Variants in DELE1 observed in about 807,000 individuals in gnomAD.
DELE1 encodes death ligand signal enhancer.
A neutral mutation model predicts 59.3 loss-of-function variants in DELE1; 54 were observed. That is an observed-to-expected ratio of 0.91 (90% CI 0.73 to 1.14). The LOEUF (loss-of-function observed/expected upper bound fraction) is 1.14, where lower values mean the gene tolerates loss of function less well. DELE1 is among the 50% of genes most tolerant of loss of function. DELE1 has a pLI of 0.00. For missense variants in DELE1, 636 were observed against 643.9 expected (o/e 0.99, Z 0.13); for synonymous variants, 264 against 259.1 (o/e 1.02, Z -0.18).
rs1596610074 is a variant in DELE1 at position 141,933,250 on chromosome 5, T to G, written c.755-9T>G. 6.5e-7 allele frequency: 1 copy of G among 1,531,860 alleles called. No homozygotes were observed. The highest frequency in any genetic ancestry group is 2.3e-5 in the East Asian group (1 of 42,680). 94.9% of individuals were successfully genotyped at this position (1,531,860 alleles called of 1,614,324 possible). A position where few individuals can be genotyped will look rare whatever the true frequency, so the allele number is the denominator to read the frequency against. On this transcript the variant is annotated splice_polypyrimidine_tract_variant and intron_variant, in intron 7 of 11. Transcript: ENST00000432126. ...GGAAGCTGTGTTTGTGCCCTGTGCC[T>G]TCTTACAGGAACAGAGAACATGAAG...
At position 141,938,765 on chromosome 5, in the gene DELE1, G is replaced by GATAAAA; in HGVS notation, c.*7_*12dup. The GATAAAA allele has an allele frequency of 6.2e-7, 1 of 1,606,750 alleles. No homozygotes were observed. The highest frequency in any genetic ancestry group is 8.5e-7 in the Non-Finnish European group (1 of 1,175,600). The stretch of plus-strand genomic sequence containing the variant: ...TAAGACTAGGTTTTGGCTAAGGTGA[G>GATAAAA]ATAAAACATAGTCCCTGGTGCCTCT... On this transcript the variant is annotated 3_prime_UTR_variant, in exon 12 of 12. Transcript: ENST00000432126.
At chr5:141,932,245 G>A (rs143845109) in intron 7 of DELE1, among the ~76,000 whole-genome samples, 350 of 152,272 alleles carry the variant, frequency 2.3e-3, no homozygotes, top group Non-Finnish European at 3.9e-3. Flanking sequence ...AGAATTGGCC[G>A]TGCCCTCATC....
chr5:141,939,661 T>C lies in DELE1; in HGVS notation c.*902T>C. 1 of 985,880 alleles carries C rather than the reference T, an allele frequency of 1.0e-6. No individual in the cohort carries two copies. 61.1% of individuals were successfully genotyped at this position (985,880 alleles called of 1,614,324 possible). A position where few individuals can be genotyped will look rare whatever the true frequency, so the allele number is the denominator to read the frequency against. Reference sequence around the variant, plus strand: ...TACCCACCCACCTTCCCCCAAATCTTAAGCACCTGCGCCAGTACAGTCAAG... The same window carrying C: ...TACCCACCCACCTTCCCCCAAATCTCAAGCACCTGCGCCAGTACAGTCAAG... On this transcript the variant is annotated 3_prime_UTR_variant, in exon 12 of 12. Transcript: ENST00000432126.
rs77867595 is a variant in DELE1 at position 141,926,496 on chromosome 5, C to T, written c.264+969C>T. Among the ~76,000 whole-genome samples the T allele has an allele frequency of 4.0e-3, 607 of 152,304 alleles. 5 individuals carry two copies. Among genetic ancestry groups the T allele is most frequent in the African/African-American group, 0.014 (584 of 41,562 alleles). ...ACTAGGTCTCATAGGGCAGAGTCTT[C>T]GCTTTTCAGGCAATGTTCCAGGTGG... is the stretch of plus-strand genomic sequence containing the variant. On this transcript the variant is annotated intron_variant, in intron 3 of 11. Coordinates refer to ENST00000432126, the MANE Select transcript of DELE1 (RefSeq NM_014773.5).
At chr5:141,934,670 G>A in intron 10 of DELE1, 84 bp downstream of exon 10, 1 of 1,307,506 alleles carries the variant, frequency 7.6e-7, no homozygotes, top group Non-Finnish European at 1.1e-6. Flanking sequence ...GTTCTTCTGT[G>A]CTTAGGAGAT....
chr5:141,936,933 G>T, intron 10 of DELE1: 1 of 1,235,056 alleles, frequency 8.1e-7, no homozygotes, highest in East Asian at 3.5e-5. Context: ...CATGCTTTCA[G>T]CCAGCCTATG....
At chr5:141,926,162 G>A (rs1488506952) in intron 3 of DELE1, among the ~76,000 whole-genome samples, 1 of 152,122 alleles carries the variant, frequency 6.6e-6, no homozygotes, top group Non-Finnish European at 1.5e-5. Context: ...ACAGCTGTGA[G>A]CCACCGCGCC....
intron 11 of DELE1, 87 bp from the exon 12 acceptor site, chr5:141,938,434 A>G (rs1366339232): frequency 2.0e-5 from 31 of 1,539,612 alleles, no homozygotes; most frequent in South Asian, 2.5e-5. Flanking sequence ...TGCCTGGGGA[A>G]CCAAGCCCTT....
Position 141,933,256 on chromosome 5 carries a change from C to T in DELE1, c.755-3C>T. 3 of 1,538,058 alleles carry T rather than the reference C, an allele frequency of 2.0e-6. No individual in the cohort carries two copies. The highest frequency in any genetic ancestry group is 1.7e-5 in the Admixed American group (1 of 57,872). On this transcript the variant is annotated splice_region_variant and splice_polypyrimidine_tract_variant and intron_variant, in intron 7 of 11. Transcript: ENST00000432126. ...TGTGTTTGTGCCCTGTGCCTTCTTA[C>T]AGGAACAGAGAACATGAAGAGTGGC...
At chr5:141,936,445 GT>G (rs1457333919) in intron 10 of DELE1, among the ~76,000 whole-genome samples, 1 of 152,074 alleles carries the variant, frequency 6.6e-6, no homozygotes. Flanking sequence ...GTTTTGTTTT[GT>G]TTTTTTGAGA....
intron 3 of DELE1, 72 bp downstream of exon 3, chr5:141,925,599 A>G (rs1751338713): frequency 2.3e-6 from 2 of 875,884 alleles, no homozygotes; most frequent in Non-Finnish European, 3.4e-6. Flanking sequence ...ATACAGCCGA[A>G]CCTGGAACAA....
At chr5:141,930,864 A>G (rs1751851078) in intron 7 of DELE1, among the ~76,000 whole-genome samples, 1 of 152,152 alleles carries the variant, frequency 6.6e-6, no homozygotes, top group South Asian at 2.1e-4. Flanking sequence ...CAGACTCCCC[A>G]CAGCATCTAT....
intron 11 of DELE1, among the ~76,000 whole-genome samples, 192 bp downstream of exon 11, chr5:141,937,549 T>A (rs1397784754): frequency 6.6e-6 from 1 of 151,832 alleles, no homozygotes; most frequent in Non-Finnish European, 1.5e-5. Flanking sequence ...GACTGGCAGA[T>A]CACCAGGTCA....
rs995184678 is a variant in DELE1, at chr5:141,941,703, C to T, written c.*2944C>T. On this transcript the variant is annotated 3_prime_UTR_variant, in exon 12 of 12. Transcript: ENST00000432126. ...TTTCCCTATCCGGAGATGCTGTTTTCAGGGAGTCCTGACACTATGATGGGA... is the reference window on the plus strand; with the variant it reads ...TTTCCCTATCCGGAGATGCTGTTTTTAGGGAGTCCTGACACTATGATGGGA... 12 of 985,328 alleles carry T rather than the reference C, an allele frequency of 1.2e-5. No individual in the cohort carries two copies. Among genetic ancestry groups the T allele is most frequent in the Admixed American group, 1.2e-4 (2 of 16,264 alleles). The allele number at this position is 985,328 out of a possible 1,614,324, so 61.0% of individuals were successfully genotyped here.
chr5:141,938,134 G>A (rs1336048786), intron 11 of DELE1, among the ~76,000 whole-genome samples: 2 of 152,090 alleles, frequency 1.3e-5, no homozygotes, highest in Admixed American at 6.6e-5. Context: ...TCAAACCTGA[G>A]TTTTAACCCC....
chr5:141,938,032 G>A (rs548709004), intron 11 of DELE1, among the ~76,000 whole-genome samples: 1 of 151,666 alleles, frequency 6.6e-6, no homozygotes, highest in East Asian at 2.0e-4. Context: ...CACCATGTTG[G>A]CCAGGCTGGT....
intron 7 of DELE1, 150 bp from the exon 8 acceptor site, chr5:141,933,109 A>ATAT (rs1224536522): frequency 8.8e-4 from 116 of 131,192 alleles, no homozygotes; most frequent in African/African-American, 1.7e-3. Context: ...AAAAAAAAAA[A>ATAT]AAATATATAT....
intron 10 of DELE1, among the ~76,000 whole-genome samples, chr5:141,936,476 C>A (rs1752362616): frequency 6.6e-6 from 1 of 152,210 alleles, no homozygotes; most frequent in Non-Finnish European, 1.5e-5. Context: ...ACACTGTCGC[C>A]CTGGCTGGAG....
chr5:141,929,851 G>A, intron 5 of DELE1, 111 bp downstream of exon 5: 2 of 1,508,054 alleles, frequency 1.3e-6, no homozygotes, highest in Non-Finnish European at 1.8e-6. Context: ...GAGGTCCCAT[G>A]CCTTGTGAGG....
Sources: gnomAD v4.1 joint callset for allele counts (sites outside exome capture counted in the v4.1 genomes callset) on GRCh38, gnomAD v4.1.1 for gene constraint, MANE v1.5 for transcripts, NCBI Gene and HGNC (gene_info 2026-07-23, HGNC 2026-07-21) for gene names.